Variants in ATP9B observed in about 807,000 individuals in gnomAD.
The protein encoded by ATP9B is probable phospholipid-transporting ATPase IIB.
In ATP9B, 110 loss-of-function variants were observed where a neutral mutation model predicts 146.1. That is an observed-to-expected ratio of 0.75 (90% CI 0.65 to 0.88). The LOEUF is 0.88. ATP9B is among the 40% of genes least tolerant of loss of function. The pLI is 0.00. For missense variants in ATP9B, 1,499 were observed against 1,496.4 expected (o/e 1.00, Z -0.03); for synonymous variants, 604 against 569.7 (o/e 1.06, Z -0.86).
At chr18:79,374,470 G>A (rs2097091782) in intron 28 of ATP9B, among the ~76,000 whole-genome samples, 1 of 133,508 alleles carries the variant, frequency 7.5e-6, no homozygotes, top group African/African-American at 2.9e-5. Context: ...GTCACTGGCT[G>A]GCCGGTCCCC....
At chr18:79,369,506 C>T (rs1343311115) in intron 26 of ATP9B, among the ~76,000 whole-genome samples, 3 of 140,766 alleles carry the variant, frequency 2.1e-5, no homozygotes, top group Non-Finnish European at 4.5e-5. Flanking sequence ...GCACTCCAGC[C>T]TGGGCGACAG....
chr18:79,175,567 C>T (rs2095151850), intron 7 of ATP9B, among the ~76,000 whole-genome samples: 1 of 152,178 alleles, frequency 6.6e-6, no homozygotes, highest in Admixed American at 6.5e-5. Flanking sequence ...TGCATGCCCT[C>T]ACATCTGTCA....
At chr18:79,248,968 T>G (rs1021769621) in intron 11 of ATP9B, among the ~76,000 whole-genome samples, 1 of 152,118 alleles carries the variant, frequency 6.6e-6, no homozygotes, top group Non-Finnish European at 1.5e-5. Flanking sequence ...GCCGTGTACA[T>G]TGATTGCTTA....
intron 11 of ATP9B, among the ~76,000 whole-genome samples, chr18:79,241,265 C>G (rs2095885547): frequency 6.6e-6 from 1 of 151,890 alleles, no homozygotes; most frequent in South Asian, 2.1e-4. Context: ...ATGGGTTTGT[C>G]CCGTGTGAGA....
intron 1 of ATP9B, among the ~76,000 whole-genome samples, chr18:79,092,047 A>G (rs2074366246): frequency 6.6e-6 from 1 of 152,138 alleles, no homozygotes; most frequent in Non-Finnish European, 1.5e-5. Flanking sequence ...TTTTATATTA[A>G]TATAGCTACT....
chr18:79,106,503 G>A lies in ATP9B; in HGVS notation c.294-3852G>A, dbSNP rs114090202. On this transcript the variant is annotated intron_variant, in intron 2 of 29. Coordinates refer to ENST00000426216, the MANE Select transcript of ATP9B (RefSeq NM_198531.5). ...TGGTTTCTGGCTGCATGATCCAGGG[G>A]CAGTTCTGGTGCACCTGCAGGCCTT... is the stretch of plus-strand genomic sequence containing the variant. Among the ~76,000 whole-genome samples the A allele has an allele frequency of 4.9e-3, 743 of 152,274 alleles. 5 individuals are homozygous for A. Among genetic ancestry groups the A allele is most frequent in the South Asian group, 0.025 (119 of 4,818 alleles).
intron 13 of ATP9B, among the ~76,000 whole-genome samples, chr18:79,300,737 T>C (rs1166636026): frequency 6.6e-6 from 1 of 152,232 alleles, no homozygotes; most frequent in Non-Finnish European, 1.5e-5. Context: ...ATTTCTTTCT[T>C]TAGGGTTCTT....
chr18:79,088,847 G>A (rs1311767209), intron 1 of ATP9B, among the ~76,000 whole-genome samples: 4 of 152,192 alleles, frequency 2.6e-5, no homozygotes, highest in East Asian at 3.9e-4. Context: ...TTAAATTTCC[G>A]TGGGATAATG....
At chr18:79,278,850 A>C (rs2096344149) in intron 13 of ATP9B, among the ~76,000 whole-genome samples, 1 of 152,124 alleles carries the variant, frequency 6.6e-6, no homozygotes, top group Non-Finnish European at 1.5e-5. Flanking sequence ...TTAAAGAATA[A>C]ATAAATCCAT....
In ATP9B at chr18:79,179,459, A is replaced by G. The variant is rs190879584; in HGVS notation, c.873+2552A>G. 3.9e-3 allele frequency among the ~76,000 whole-genome samples: 595 copies of G among 152,216 alleles called. 2 individuals are homozygous for G. The highest frequency in any genetic ancestry group is 0.013 in the African/African-American group (544 of 41,550). Reference sequence around the variant, plus strand: ...GTTTACCTGTGTCACACAAATTTTGATTTATTTAGTTAAAAATAATTAATA... The same window carrying G: ...GTTTACCTGTGTCACACAAATTTTGGTTTATTTAGTTAAAAATAATTAATA... On this transcript the variant is annotated intron_variant, in intron 8 of 29. Coordinates refer to ENST00000426216, the MANE Select transcript of ATP9B (RefSeq NM_198531.5).
intron 10 of ATP9B, among the ~76,000 whole-genome samples, chr18:79,213,115 A>G (rs1333017698): frequency 3.3e-5 from 5 of 152,168 alleles, no homozygotes; most frequent in Non-Finnish European, 7.4e-5. Context: ...GAGTTTTCAT[A>G]TAATTATTAT....
chr18:79,200,788 T>TGGGGACTGTA (rs370231088), intron 9 of ATP9B, among the ~76,000 whole-genome samples: 1 of 35,458 alleles, frequency 2.8e-5, no homozygotes, highest in Non-Finnish European at 6.5e-5. Flanking sequence ...GAAGTAGTGG[T>TGGGGACTGTA]GGAATTGTTT....
intron 26 of ATP9B, chr18:79,361,789 G>C: frequency 2.0e-6 from 2 of 985,380 alleles, no homozygotes; most frequent in Non-Finnish European, 2.4e-6. Flanking sequence ...TCTGATGATC[G>C]GGGCAGCTGG....
chr18:79,359,897 T>G (rs1432270221), intron 26 of ATP9B: 1 of 185,892 alleles, frequency 5.4e-6, no homozygotes, highest in African/African-American at 2.3e-5. Context: ...ATGTTTCCTG[T>G]GTATTTCCAA....
rs60945614 is a variant in ATP9B at position 79,221,886 on chromosome 18, T to C, written c.1107+7848T>C. Among the ~76,000 whole-genome samples the C allele has an allele frequency of 4.5e-3, 675 of 150,042 alleles. 9 individuals are homozygous for C. The highest frequency in any genetic ancestry group is 0.015 in the African/African-American group (608 of 40,758). On this transcript the variant is annotated intron_variant, in intron 11 of 29. Coordinates refer to ENST00000426216, the MANE Select transcript of ATP9B (RefSeq NM_198531.5). ...TTCTTTGGCCAATTTTTTTTTTTTT[T>C]TTGCCTTTATTTTGGCCAATTTTGT...
chr18:79,220,050 T>G (rs974862965), intron 11 of ATP9B, among the ~76,000 whole-genome samples: 9 of 152,112 alleles, frequency 5.9e-5, no homozygotes, highest in Non-Finnish European at 1.0e-4. Flanking sequence ...GAAGCAGAGA[T>G]AGGCTGCTGG....
intron 11 of ATP9B, among the ~76,000 whole-genome samples, chr18:79,250,866 G>A (rs1278556264): frequency 6.6e-6 from 1 of 152,180 alleles, no homozygotes; most frequent in African/African-American, 2.4e-5. Flanking sequence ...AGAAGAGAAA[G>A]CCCCATGCTG....
chr18:79,103,827 G>T (rs1045112526), intron 2 of ATP9B, among the ~76,000 whole-genome samples: 1 of 152,094 alleles, frequency 6.6e-6, no homozygotes, highest in Non-Finnish European at 1.5e-5. Context: ...AGTGTGGTGT[G>T]GGGAGTTGTG....
At chr18:79,144,763 T>C (rs1380485210) in intron 6 of ATP9B, 1 of 151,816 alleles carries the variant, frequency 6.6e-6, no homozygotes, top group Non-Finnish European at 1.5e-5. Flanking sequence ...TTTCTGAATA[T>C]TTTCTCTCAA....
Sources: allele counts gnomAD v4.1 joint callset (sites outside exome capture counted in the v4.1 genomes callset), GRCh38; gene constraint gnomAD v4.1.1; transcripts MANE v1.5; gene names NCBI Gene and HGNC (gene_info 2026-07-23, HGNC 2026-07-21).